The following NPAT variants were observed in gnomAD, a reference collection of about 807,000 sequenced individuals.
The protein encoded by NPAT is protein NPAT.
A neutral mutation model predicts 130.7 loss-of-function variants in NPAT; 52 were observed. The ratio of observed to expected loss-of-function variants is 0.40; its 90% CI spans 0.32 to 0.50. The LOEUF is 0.50. NPAT is among the 20% of genes least tolerant of loss of function. The pLI, the probability that NPAT is intolerant of heterozygous loss-of-function variation, is 0.68. For synonymous variants in NPAT, 580 were observed against 584.8 expected (o/e 0.99, Z 0.12); for missense variants, 1,687 against 1,662.6 (o/e 1.01, Z -0.26).
rs750312221 is a variant in NPAT, at chr11:108,161,607, A to G, written c.3479T>C (p.Phe1160Ser). The G allele has an allele frequency of 6.2e-7, 1 of 1,614,162 alleles. No homozygotes were observed. The highest frequency in any genetic ancestry group is 1.3e-5 in the African/African-American group (1 of 75,056). The change falls in exon 17 of 18, where the codon TTC (phenylalanine) becomes TCC (serine). Residue 1160 changes from phenylalanine (F) to serine (S), a missense_variant. By Grantham distance (155) the Phe-to-Ser change is radical. Around this residue, in one of 3 missense-constraint regions of NPAT, gnomAD observed 1,379 missense variants for 1,346.6 expected, o/e 1.02. Coordinates refer to ENST00000278612, the MANE Select transcript of NPAT (RefSeq NM_002519.3). ...CTCCTTATTAGCTGTTGCTTTATGG[A>G]AAGATTCAAGCACAATTTCTGTTGG... ...VSPTEIVLES[F>S]HKATANKENE...
intron 7 of NPAT, among the ~76,000 whole-genome samples, chr11:108,187,277 C>G (rs1028250515): frequency 1.3e-5 from 2 of 151,960 alleles, no homozygotes; most frequent in African/African-American, 4.8e-5. Flanking sequence ...AAAGTGAGAC[C>G]CCCATCTCTA....
In NPAT at chr11:108,203,090, G is replaced by C. The variant is rs952793982; in HGVS notation, c.38-5670C>G. Among the ~76,000 whole-genome samples the C allele has an allele frequency of 3.9e-5, 6 of 152,122 alleles. No individual in the cohort carries two copies. In the East Asian group the frequency reaches 1.2e-3, roughly 29 times the overall value. On this transcript the variant is annotated intron_variant, in intron 1 of 17. Transcript: ENST00000278612. ...GGTACCGCAGAAAACTGTCTTGAGA[G>C]ACTCATCTGCCCTGTATTACTTTTC...
chr11:108,209,894 A>T (rs2078368231), intron 1 of NPAT, among the ~76,000 whole-genome samples: 1 of 37,540 alleles, frequency 2.7e-5, no homozygotes, highest in Non-Finnish European at 7.4e-5. Context: ...ATCTCAAAAA[A>T]AAAAAAAAAA....
At chr11:108,196,337 G>T (rs752206977) in intron 2 of NPAT, among the ~76,000 whole-genome samples, 1 of 152,134 alleles carries the variant, frequency 6.6e-6, no homozygotes, top group Non-Finnish European at 1.5e-5. Flanking sequence ...CCTTCATCTC[G>T]ATTATCATAG....
intron 1 of NPAT, among the ~76,000 whole-genome samples, chr11:108,212,006 CA>C (rs2134896667): frequency 6.6e-6 from 1 of 151,764 alleles, no homozygotes; most frequent in Non-Finnish European, 1.5e-5. Context: ...AAACAAAATC[CA>C]ACACCCTTTC....
At chr11:108,159,544 G>C (rs755251004) in intron 17 of NPAT, among the ~76,000 whole-genome samples, 23 of 152,258 alleles carry the variant, frequency 1.5e-4, no homozygotes, top group Non-Finnish European at 2.8e-4. Context: ...ACCCAGACTT[G>C]TAGGGCAACA....
chr11:108,172,566 A>C lies in NPAT; in HGVS notation c.2418T>G (p.Asp806Glu), dbSNP rs200575398. The stretch of plus-strand genomic sequence containing the variant: ...AAAGACTCTGTTCCATTGAGGCTGA[A>C]TCCCCTACTTCGGCATATACAACAG... ...VGAVVYAEVG[D>E]SASMEQSLLT... is the part of the protein sequence containing the mutation. The change falls in exon 13 of 18, where the codon GAT becomes GAG. Residue 806 changes from aspartate to glutamate, a missense_variant. This residue lies in a region of NPAT where 1,379 missense variants were observed against 1,346.6 expected (regional missense o/e 1.02). Coordinates refer to ENST00000278612, the MANE Select transcript of NPAT (RefSeq NM_002519.3). The C allele has an allele frequency of 2.8e-4, 458 of 1,614,206 alleles. 2 individuals are homozygous for C. In the African/African-American group the frequency reaches 5.5e-3, roughly 19 times the overall value.
Position 108,165,473 on chromosome 11 carries a change from T to TATA in NPAT, c.3011-3294_3011-3293insTAT, listed in dbSNP as rs1555039293. The stretch of plus-strand genomic sequence containing the variant: ...GTATTTATATATATATATATATATA[T>TATA]TTTTTTTTTGTGATAGGGTCTTGCT... On this transcript the variant is annotated intron_variant, in intron 15 of 17. Transcript: ENST00000278612. Among the ~76,000 whole-genome samples, 487 of 66,558 alleles carry TATA rather than the reference T, an allele frequency of 7.3e-3. 4 individuals are homozygous for TATA. The highest frequency in any genetic ancestry group is 9.3e-3 in the Non-Finnish European group (320 of 34,440). 43.7% of individuals were successfully genotyped at this position (66,558 alleles called of 152,430 possible).
chr11:108,170,465 C>G (rs1256114431), intron 13 of NPAT, among the ~76,000 whole-genome samples: 2 of 152,126 alleles, frequency 1.3e-5, no homozygotes, highest in African/African-American at 4.8e-5. Context: ...AATATTTATA[C>G]CCAGGACTAC....
chr11:108,216,094 T>C (rs1565330509), intron 1 of NPAT, among the ~76,000 whole-genome samples: 1 of 152,190 alleles, frequency 6.6e-6, no homozygotes, highest in Non-Finnish European at 1.5e-5. Flanking sequence ...ATTTAAAACT[T>C]CTACAGACTA....
At chr11:108,206,320 G>T (rs754506551) in intron 1 of NPAT, among the ~76,000 whole-genome samples, 13 of 152,210 alleles carry the variant, frequency 8.5e-5, no homozygotes, top group Non-Finnish European at 1.6e-4. Flanking sequence ...CCGCCCACTT[G>T]GCCAAGCAGG....
chr11:108,168,186 C>T (rs1232712521), intron 15 of NPAT, among the ~76,000 whole-genome samples: 1 of 152,076 alleles, frequency 6.6e-6, no homozygotes, highest in Non-Finnish European at 1.5e-5. Context: ...ACCCAGTATA[C>T]CCAAAGATTT....
chr11:108,210,269 C>T (rs1260727805), intron 1 of NPAT, among the ~76,000 whole-genome samples: 6 of 152,090 alleles, frequency 3.9e-5, no homozygotes, highest in Non-Finnish European at 5.9e-5. Flanking sequence ...GTTGCTCCTG[C>T]TAAATCTCAC....
chr11:108,173,437 C>G lies in NPAT; in HGVS notation c.1547G>C (p.Gly516Ala). ...TAAGTTTTCATTGTTAGCTTCACAA[C>G]CAAGTGAAACAAATGAAGTTATTGG... ...DIPITSFVSLGCEANNENLIL... is the reference protein window; with the variant it reads ...DIPITSFVSLACEANNENLIL... The change falls in exon 13 of 18, where the codon GGT (glycine) becomes GCT (alanine). Residue 516 changes from glycine to alanine, a missense_variant. Transcript: ENST00000278612. 3 of 1,614,122 alleles carry G rather than the reference C, an allele frequency of 1.9e-6. No homozygotes were observed. Among genetic ancestry groups the G allele is most frequent in the Non-Finnish European group, 2.5e-6 (3 of 1,180,014 alleles).
chr11:108,206,846 G>T (rs987667228), intron 1 of NPAT, among the ~76,000 whole-genome samples: 1 of 152,222 alleles, frequency 6.6e-6, no homozygotes. Flanking sequence ...ACAGCCCTCA[G>T]GAGACCTGCA....
intron 15 of NPAT, among the ~76,000 whole-genome samples, chr11:108,164,839 C>T (rs1291110231): frequency 4.6e-5 from 7 of 151,970 alleles, no homozygotes; most frequent in African/African-American, 9.7e-5. Context: ...CGGAGAACCC[C>T]GTCTCTACTA....
chr11:108,179,997 A>C (rs1420455079), intron 10 of NPAT, among the ~76,000 whole-genome samples: 1 of 152,170 alleles, frequency 6.6e-6, no homozygotes, highest in Non-Finnish European at 1.5e-5. Context: ...AAATGTTTGC[A>C]AATTCTATCT....
At chr11:108,183,129 T>C (rs1402027862) in intron 10 of NPAT, among the ~76,000 whole-genome samples, 1 of 151,738 alleles carries the variant, frequency 6.6e-6, no homozygotes. Flanking sequence ...AACAGGTACA[T>C]GCAATAACAC....
Position 108,215,974 on chromosome 11 carries a change from T to C in NPAT, c.37+6526A>G, listed in dbSNP as rs921015933. Among the ~76,000 whole-genome samples the C allele has an allele frequency of 5.9e-5, 9 of 152,250 alleles. No individual in the cohort carries two copies. In the East Asian group the frequency reaches 1.2e-3, roughly 19 times the overall value. Reference sequence around the variant, plus strand: ...TACACTGCAATGTTTTCTTCTCTTTTTGTGAAAACTAGCTGGCTGAAAAGT... The same window carrying C: ...TACACTGCAATGTTTTCTTCTCTTTCTGTGAAAACTAGCTGGCTGAAAAGT... On this transcript the variant is annotated intron_variant, in intron 1 of 17. Transcript: ENST00000278612.
Sources: gnomAD v4.1 joint callset for allele counts (sites outside exome capture counted in the v4.1 genomes callset) on GRCh38, gnomAD v4.1.1 for gene constraint, gnomAD v4.1.1 regional missense constraint, MANE v1.5 for transcripts, NCBI Gene and HGNC (gene_info 2026-07-23, HGNC 2026-07-21) for gene names.